DOK6: variants seen among roughly 807,000 people sequenced by gnomAD.
DOK6 encodes the protein docking protein 6.
DOK6 carries 22 observed loss-of-function variants against 44.0 expected under a neutral mutation model. The observed-to-expected ratio is 0.50, with a 90% confidence interval of 0.36 to 0.71. The LOEUF (loss-of-function observed/expected upper bound fraction) is 0.71, where lower values mean the gene tolerates loss of function less well. Ranked by LOEUF, DOK6 falls within the 30% of genes least tolerant of loss-of-function variation. DOK6 has a pLI of 0.00. For synonymous variants in DOK6, 166 were observed against 145.5 expected, an observed-to-expected ratio of 1.14 and a Z score of -1.01; for missense variants, 340 against 416.4, an observed-to-expected ratio of 0.82 and a Z score of 1.60.
intron 5 of DOK6, 49 bp downstream of exon 5, chr18:69,698,642 G>C (rs374887295): frequency 2.5e-6 from 4 of 1,573,438 alleles, no homozygotes; most frequent in Non-Finnish European, 3.5e-6. Flanking sequence ...GTATAACAGA[G>C]TCTGTATAAC....
chr18:69,835,320 T>C (rs974758747), intron 7 of DOK6, among the ~76,000 whole-genome samples: 4 of 151,830 alleles, frequency 2.6e-5, no homozygotes, highest in South Asian at 2.1e-4. Flanking sequence ...AAAAAATTAG[T>C]TGGGTATGGT....
chr18:69,589,800 C>G, intron 2 of DOK6, among the ~76,000 whole-genome samples: 1 of 151,916 alleles, frequency 6.6e-6, no homozygotes, highest in East Asian at 1.9e-4. Context: ...CAAATTTTAC[C>G]GAGCATGCAA....
intron 1 of DOK6, among the ~76,000 whole-genome samples, chr18:69,539,949 T>C (rs1342198983): frequency 6.6e-6 from 1 of 152,180 alleles, no homozygotes; most frequent in East Asian, 1.9e-4. Flanking sequence ...TCAGGAAATT[T>C]ACAATCATGG....
At chr18:69,713,589 ATTT>A (rs140018021) in intron 5 of DOK6, among the ~76,000 whole-genome samples, 3 of 152,054 alleles carry the variant, frequency 2.0e-5, no homozygotes, top group Admixed American at 2.0e-4. Context: ...GTGATCATAT[ATTT>A]TTTGTCATTT....
intron 7 of DOK6, among the ~76,000 whole-genome samples, chr18:69,779,717 T>TGC (rs1375894644): frequency 6.6e-6 from 1 of 151,296 alleles, no homozygotes; most frequent in African/African-American, 2.4e-5. Context: ...TGTGTGTGTG[T>TGC]GTGCATGTGT....
At chr18:69,781,464 T>C (rs79267879) in intron 7 of DOK6, 1 of 152,272 alleles carries the variant, frequency 6.6e-6, no homozygotes, top group East Asian at 1.9e-4. Context: ...GAAATAAATG[T>C]TAGTGATACC....
At chr18:69,749,949 A>AG (rs1979119605) in intron 6 of DOK6, among the ~76,000 whole-genome samples, 1 of 151,140 alleles carries the variant, frequency 6.6e-6, no homozygotes, top group Non-Finnish European at 1.5e-5. Context: ...TCAAAAAAAA[A>AG]AAAAAAGTTC....
At chr18:69,677,928 A>G in intron 4 of DOK6, 75 bp downstream of exon 4, 3 of 1,535,572 alleles carry the variant, frequency 2.0e-6, no homozygotes, top group Non-Finnish European at 2.6e-6. Flanking sequence ...AAAGGATCTC[A>G]GAAATGTTTC....
chr18:69,828,007 C>A (rs1273276067), intron 7 of DOK6, among the ~76,000 whole-genome samples: 1 of 151,764 alleles, frequency 6.6e-6, no homozygotes, highest in Non-Finnish European at 1.5e-5. Context: ...CAGTAAATTT[C>A]TTTAAATAGC....
intron 3 of DOK6, among the ~76,000 whole-genome samples, chr18:69,657,548 A>T (rs997142981): frequency 1.3e-5 from 2 of 152,226 alleles, no homozygotes; most frequent in Non-Finnish European, 2.9e-5. Context: ...GTAAAAGTTG[A>T]TTGATACAGA....
At position 69,677,847 on chromosome 18, in the gene DOK6, C is replaced by A; in HGVS notation, c.403C>A (p.Gln135Lys). ...DLLAAGVQRE[Q>K]NERFNVYLMP... is the part of the protein sequence containing the mutation. ...TCTGGCCGCAGGAGTGCAGCGGGAACAGAATGGTAGGTGTGAGATTGCCTT... is the reference window on the plus strand; with the variant it reads ...TCTGGCCGCAGGAGTGCAGCGGGAAAAGAATGGTAGGTGTGAGATTGCCTT... The change falls in exon 4 of 8, where the codon CAG (glutamine) becomes AAG (lysine). Residue 135 changes from glutamine (Q) to lysine (K), a missense_variant. Transcript: ENST00000382713. 6.2e-7 allele frequency: 1 copy of A among 1,613,198 alleles called. No individual in the cohort carries two copies. The highest frequency in any genetic ancestry group is 1.1e-5 in the South Asian group (1 of 91,052).
chr18:69,536,571 ATGTT>A (rs1191807132), intron 1 of DOK6, among the ~76,000 whole-genome samples: 2 of 152,146 alleles, frequency 1.3e-5, no homozygotes, highest in African/African-American at 2.4e-5. Context: ...GGTTGACAAA[ATGTT>A]TGTGAATATC....
chr18:69,602,159 G>A (rs1322306187), intron 3 of DOK6, among the ~76,000 whole-genome samples: 1 of 152,142 alleles, frequency 6.6e-6, no homozygotes, highest in Non-Finnish European at 1.5e-5. Flanking sequence ...AGGAGAATAG[G>A]ATAGAAAGGG....
intron 1 of DOK6, among the ~76,000 whole-genome samples, chr18:69,461,522 GT>G (rs1195919390): frequency 5.3e-5 from 8 of 151,978 alleles, no homozygotes; most frequent in African/African-American, 1.2e-4. Flanking sequence ...TCCCTATTTG[GT>G]CTAAATTCCT....
intron 3 of DOK6, among the ~76,000 whole-genome samples, chr18:69,620,005 T>C (rs1188534732): frequency 6.6e-6 from 1 of 152,168 alleles, no homozygotes; most frequent in Non-Finnish European, 1.5e-5. Context: ...GTTTTGATTT[T>C]ATGTATTATT....
At chr18:69,529,537 A>T (rs183194979) in intron 1 of DOK6, among the ~76,000 whole-genome samples, 2 of 152,342 alleles carry the variant, frequency 1.3e-5, no homozygotes, top group African/African-American at 4.8e-5. Context: ...CTTGAGTCTC[A>T]GCTTCTGCTA....
At chr18:69,540,611 T>C (rs1982242580) in intron 1 of DOK6, among the ~76,000 whole-genome samples, 1 of 152,224 alleles carries the variant, frequency 6.6e-6, no homozygotes, top group Non-Finnish European at 1.5e-5. Flanking sequence ...AGTGTATTTC[T>C]CGACGTCTTC....
At chr18:69,616,312 C>T (rs558586289) in intron 3 of DOK6, among the ~76,000 whole-genome samples, 16 of 152,146 alleles carry the variant, frequency 1.1e-4, no homozygotes, top group African/African-American at 3.9e-4. Flanking sequence ...CATCCCAGCA[C>T]CCCTCACCTC....
intron 2 of DOK6, among the ~76,000 whole-genome samples, chr18:69,598,054 C>T (rs1005168283): frequency 3.3e-5 from 5 of 152,046 alleles, no homozygotes; most frequent in African/African-American, 7.2e-5. Context: ...ATAGATTACT[C>T]GCCTGTGATT....
Sources: allele counts gnomAD v4.1 joint callset (sites outside exome capture counted in the v4.1 genomes callset), GRCh38; gene constraint gnomAD v4.1.1; transcripts MANE v1.5; gene names NCBI Gene and HGNC (gene_info 2026-07-23, HGNC 2026-07-21).